The following TXNL4A variants were observed in gnomAD, a reference collection of about 807,000 sequenced individuals.
TXNL4A encodes the protein thioredoxin like 4A.
A neutral mutation model predicts 14.6 loss-of-function variants in TXNL4A; 17 were observed. That is an observed-to-expected ratio of 1.16 (90% confidence interval 0.80 to 1.74). TXNL4A has a LOEUF of 1.74. TXNL4A is among the 40% of genes most tolerant of loss of function. The pLI, the probability that TXNL4A is intolerant of heterozygous loss-of-function variation, is 0.00. For missense variants in TXNL4A, 74 were observed against 195.2 expected, an observed-to-expected ratio of 0.38 and a Z score of 3.70; for synonymous variants, 83 against 70.6, an observed-to-expected ratio of 1.18 and a Z score of -0.88.
At position 79,988,416 on chromosome 18, in the gene TXNL4A, C is replaced by T; in HGVS notation, c.-24G>A. On this transcript the variant is annotated 5_prime_UTR_variant, in exon 1 of 3. Coordinates refer to ENST00000269601, the MANE Select transcript of TXNL4A (RefSeq NM_006701.5). Reference sequence around the variant, plus strand: ...ATGGCGGCCCGCGCGCTCGCCGCCGCCCAAGGCGGGGCGCCAGGGAGGGCC... The same window carrying T: ...ATGGCGGCCCGCGCGCTCGCCGCCGTCCAAGGCGGGGCGCCAGGGAGGGCC... 1.4e-6 allele frequency: 2 copies of T among 1,413,780 alleles called. No homozygotes were observed. Among genetic ancestry groups the T allele is most frequent in the Non-Finnish European group, 1.9e-6 (2 of 1,063,202 alleles). The allele number at this position is 1,413,780 out of a possible 1,614,324, so 87.6% of individuals were successfully genotyped here. A position where few individuals can be genotyped will look rare whatever the true frequency, so the allele number is the denominator to read the frequency against.
intron 1 of TXNL4A, among the ~76,000 whole-genome samples, chr18:79,985,107 T>C (rs757281638): frequency 4.7e-4 from 72 of 151,866 alleles, no homozygotes; most frequent in Middle Eastern, 3.4e-3. Context: ...GTACATGAAA[T>C]TGTCTCCTGT....
chr18:79,988,860 G>C (rs919465146), upstream of TXNL4A, among the ~76,000 whole-genome samples: 1 of 152,226 alleles, frequency 6.6e-6, no homozygotes, highest in East Asian at 1.9e-4. Flanking sequence ...TCCAGCCACG[G>C]ATGGGGACGT....
intron 1 of TXNL4A, among the ~76,000 whole-genome samples, chr18:80,017,945 T>C (rs1357603597): frequency 6.6e-6 from 1 of 151,166 alleles, no homozygotes; most frequent in Non-Finnish European, 1.5e-5. Flanking sequence ...ATGGTACCAG[T>C]TCCTCCTTGT....
chr18:79,977,718 A>G lies in TXNL4A; in HGVS notation c.154-17T>C. ...ATTTTTAACCTAAAAGGAGATTAAA[A>G]AAAAAAACTGAAATAACAGAACACT... On this transcript the variant is annotated splice_polypyrimidine_tract_variant and intron_variant, in intron 1 of 2. Coordinates refer to ENST00000269601, the MANE Select transcript of TXNL4A (RefSeq NM_006701.5). 7.0e-7 allele frequency: 1 copy of G among 1,419,898 alleles called. No homozygotes were observed. The highest frequency in any genetic ancestry group is 9.8e-7 in the Non-Finnish European group (1 of 1,025,102). 88.0% of individuals were successfully genotyped at this position (1,419,898 alleles called of 1,614,324 possible).
intron 1 of TXNL4A, among the ~76,000 whole-genome samples, chr18:80,006,065 G>A (rs1238480229): frequency 6.6e-6 from 1 of 151,988 alleles, no homozygotes; most frequent in Non-Finnish European, 1.5e-5. Context: ...TTTGAGGCCA[G>A]CCTGGGCAAG....
At chr18:80,032,646 C>G (rs2051930069) in intron 1 of TXNL4A, among the ~76,000 whole-genome samples, 1 of 152,240 alleles carries the variant, frequency 6.6e-6, no homozygotes, top group Admixed American at 6.5e-5. Context: ...TTGAGACCAG[C>G]TTGGCCAACA....
chr18:80,028,810 A>C (rs1401251966), intron 1 of TXNL4A, among the ~76,000 whole-genome samples: 1 of 152,234 alleles, frequency 6.6e-6, no homozygotes, highest in East Asian at 1.9e-4. Flanking sequence ...AAGACGGAGG[A>C]TATTTAGCCT....
chr18:79,992,326 G>C (rs2051633285), upstream of TXNL4A, among the ~76,000 whole-genome samples: 1 of 152,228 alleles, frequency 6.6e-6, no homozygotes, highest in African/African-American at 2.4e-5. Context: ...AGAGGAAGCT[G>C]AGACGCCAAA....
rs768541885 is a variant in TXNL4A, at chr18:79,988,234, C to G, written c.153+6G>C. ...GCCCGCAGAGCGGGAGAGTCCGGCG[C>G]GCTACCTTCTCGGCGATGCTGTACA... On this transcript the variant is annotated splice_donor_region_variant and intron_variant, in intron 1 of 2. Coordinates refer to ENST00000269601, the MANE Select transcript of TXNL4A (RefSeq NM_006701.5). 6.5e-7 allele frequency: 1 copy of G among 1,530,066 alleles called. No individual in the cohort carries two copies. Among genetic ancestry groups the G allele is most frequent in the South Asian group, 1.2e-5 (1 of 83,384 alleles). The allele number at this position is 1,530,066 out of a possible 1,614,324, so 94.8% of individuals were successfully genotyped here. A position where few individuals can be genotyped will look rare whatever the true frequency, so the allele number is the denominator to read the frequency against.
intron 1 of TXNL4A, among the ~76,000 whole-genome samples, chr18:79,984,098 T>C (rs561513389): frequency 1.3e-5 from 2 of 152,228 alleles, no homozygotes; most frequent in African/African-American, 2.4e-5. Flanking sequence ...CTGTTTTTTT[T>C]CCAGAGACAA....
intron 1 of TXNL4A, among the ~76,000 whole-genome samples, chr18:80,002,440 C>G (rs1202665435): frequency 1.3e-5 from 2 of 152,024 alleles, no homozygotes; most frequent in East Asian, 3.9e-4. Flanking sequence ...GAGTAAAATG[C>G]TAAAAACAAA....
intron 1 of TXNL4A, among the ~76,000 whole-genome samples, chr18:79,985,410 G>T (rs570120825): frequency 6.6e-6 from 1 of 152,022 alleles, no homozygotes; most frequent in Non-Finnish European, 1.5e-5. Context: ...ATGCCACAAC[G>T]CCTAGCTAAT....
rs1253750039 is a variant in TXNL4A, at chr18:80,004,547, AGGAG to A, written c.-60-26850_-60-26847del. Among the ~76,000 whole-genome samples the A allele has an allele frequency of 4.6e-5, 7 of 152,292 alleles. No homozygotes were observed. In the East Asian group the frequency reaches 1.4e-3, roughly 29 times the overall value. ...GGGGGGATTCGCACTTCCTTGCAGC[AGGAG>A]CTCTGGGTTACTTTGCTGGTTGAAG... On this transcript the variant is annotated intron_variant, in intron 1 of 2. Transcript: ENST00000585474.
rs184130568 is a variant in TXNL4A, at chr18:80,011,761, A to G, written c.-61+22090T>C. The stretch of plus-strand genomic sequence containing the variant: ...ACCCACTCCCACCTTTTCCGTCCCT[A>G]TAAGTTAAAGATCTTTTTTTTTTAA... On this transcript the variant is annotated intron_variant, in intron 1 of 2. Transcript: ENST00000585474. The surrounding 1 kb of genome is among the most constrained non-coding windows in gnomAD (Gnocchi z 4.1). 1.2e-4 allele frequency among the ~76,000 whole-genome samples: 19 copies of G among 152,156 alleles called. No homozygotes were observed. The highest frequency in any genetic ancestry group is 7.2e-4 in the Admixed American group (11 of 15,288).
chr18:80,007,140 G>T (rs1305373833), intron 1 of TXNL4A, among the ~76,000 whole-genome samples: 2 of 152,124 alleles, frequency 1.3e-5, no homozygotes, highest in Non-Finnish European at 2.9e-5. Context: ...ATAATTTGGG[G>T]GCTGCTTTTT....
chr18:80,007,932 C>CA (rs1377149782), intron 1 of TXNL4A, among the ~76,000 whole-genome samples: 1 of 152,104 alleles, frequency 6.6e-6, no homozygotes, highest in Non-Finnish European at 1.5e-5. Context: ...CAATGGTCAC[C>CA]AGATGATTTT....
rs2051588862 is a variant in TXNL4A, at chr18:79,988,360, G to A, written c.33C>T (p.Gly11=). 3 of 1,557,376 alleles carry A rather than the reference G, an allele frequency of 1.9e-6. No individual in the cohort carries two copies. Among genetic ancestry groups the A allele is most frequent in the Non-Finnish European group, 2.6e-6 (3 of 1,148,990 alleles). The change falls in exon 1 of 3, where the codon GGC becomes GGT. Residue 11 remains glycine (G), a synonymous_variant. Coordinates refer to ENST00000269601, the MANE Select transcript of TXNL4A (RefSeq NM_006701.5). ...AGAGGATGGCCTGGTCCACCTGCCA[G>A]CCGTTGTGCAGGTGCGGGAGCATGT... MSYMLPHLHN[G]WQVDQAILSE...
chr18:79,987,024 AG>A (rs1415914144), intron 1 of TXNL4A, among the ~76,000 whole-genome samples: 3 of 152,176 alleles, frequency 2.0e-5, no homozygotes, highest in Admixed American at 6.5e-5. Context: ...TCCAGGAGGA[AG>A]AGGCTGCGAG....
intron 1 of TXNL4A, among the ~76,000 whole-genome samples, chr18:79,986,185 A>G (rs1027318572): frequency 6.6e-6 from 1 of 151,996 alleles, no homozygotes; most frequent in African/African-American, 2.4e-5. Context: ...GACTACAGGC[A>G]CGTGCCACCA....
Sources: gnomAD v4.1 joint callset for allele counts (sites outside exome capture counted in the v4.1 genomes callset) on GRCh38, gnomAD v4.1.1 for gene constraint, Gnocchi (gnomAD v3.1) non-coding constraint, MANE v1.5 for transcripts, NCBI Gene and HGNC (gene_info 2026-07-23, HGNC 2026-07-21) for gene names.